Variants in PTPRS observed in about 807,000 individuals in gnomAD.
PTPRS encodes the protein protein tyrosine phosphatase receptor type S, also known as receptor-type tyrosine-protein phosphatase S.
Under a neutral mutation model 215.3 loss-of-function variants are expected in PTPRS, and 63 were observed. The ratio of observed to expected loss-of-function variants is 0.29; its 90% CI spans 0.24 to 0.36. The LOEUF (loss-of-function observed/expected upper bound fraction) is 0.36. Ranked by LOEUF, PTPRS falls within the 10% of genes least tolerant of loss-of-function variation. The pLI is 1.00. For synonymous variants in PTPRS, 1,404 were observed against 1,191.4 expected, an observed-to-expected ratio of 1.18 and a Z score of -3.68; for missense variants, 2,258 against 2,825.8, an observed-to-expected ratio of 0.80 and a Z score of 4.56.
chr19:5,222,813 G>A lies in PTPRS; in HGVS notation c.2979C>T (p.Asn993=), dbSNP rs200161232. The part of the protein sequence containing the change: ...LPAAAEPGAE[N]ALTLQGLKPD... ...GCTTCAGGCCCTGCAGCGTGAGCGC[G>A]TTCTCCGCGCCCGGCTCAGCCGCTG... Residue 993 remains asparagine, a synonymous_variant, in exon 18 of 38, where the codon AAC becomes AAT. Transcript: ENST00000262963. The A allele has an allele frequency of 9.4e-5, 150 of 1,597,068 alleles. No individual in the cohort carries two copies. The highest frequency in any genetic ancestry group is 1.8e-4 in the South Asian group (16 of 90,858).
In PTPRS at chr19:5,211,624, C is replaced by T. The variant is rs2040898214; in HGVS notation, c.5200G>A (p.Asp1734Asn). ...TCAATGAAGCTGGCGTTGATGTAGT[C>T]AGAGCCCTCCACACCCCGGATGGGT... is the stretch of plus-strand genomic sequence containing the variant. ...LQPIRGVEGS[D>N]YINASFIDGY... Residue 1734 changes from aspartate (D) to asparagine (N), a missense_variant, in exon 33 of 38, where the codon GAC becomes AAC. Around this residue, in one of 6 missense-constraint regions of PTPRS, gnomAD observed 927 missense variants for 1,125.9 expected, o/e 0.82. Coordinates refer to ENST00000262963, the MANE Select transcript of PTPRS (RefSeq NM_002850.4). 1 of 1,613,348 alleles carries T rather than the reference C, an allele frequency of 6.2e-7. No homozygotes were observed. The highest frequency in any genetic ancestry group is 1.7e-5 in the Admixed American group (1 of 59,990).
chr19:5,278,199 A>AAG (rs1555794804), intron 2 of PTPRS: 2 of 329,556 alleles, frequency 6.1e-6, no homozygotes, highest in South Asian at 2.7e-5. Context: ...AAAAAAAAAA[A>AAG]GGGAGTGGGG....
intron 13 of PTPRS, among the ~76,000 whole-genome samples, chr19:5,236,209 G>T (rs1476895529): frequency 6.6e-6 from 1 of 152,128 alleles, no homozygotes; most frequent in Admixed American, 6.5e-5. Context: ...TCATTATTTT[G>T]TATAACACCT....
rs773233463 is a variant in PTPRS, at chr19:5,240,308, C to T, written c.1595G>A (p.Arg532Gln). The part of the protein sequence containing the change: ...QGVPGQPMNL[R>Q]AEARSETSIT... ...GCTGGTCTCCGACCTGGCCTCGGCCCGCAGGTTCATGGGCTGGCCCGGCAC... is the reference window on the plus strand; with the variant it reads ...GCTGGTCTCCGACCTGGCCTCGGCCTGCAGGTTCATGGGCTGGCCCGGCAC... The change falls in exon 12 of 38, where the codon CGG (arginine) becomes CAG (glutamine). Residue 532 changes from arginine (R) to glutamine (Q), a missense_variant. Arg to Gln is a conservative substitution (Grantham distance 43). Coordinates refer to ENST00000262963, the MANE Select transcript of PTPRS (RefSeq NM_002850.4). 34 of 1,603,790 alleles carry T rather than the reference C, an allele frequency of 2.1e-5. 1 individual carries two copies. Among genetic ancestry groups the T allele is most frequent in the Non-Finnish European group, 2.7e-5 (32 of 1,176,306 alleles).
rs576113316 is a variant in PTPRS at position 5,272,714 on chromosome 19, T to C, written c.379+728A>G. Among the ~76,000 whole-genome samples the C allele has an allele frequency of 1.1e-4, 16 of 150,336 alleles. No individual in the cohort carries two copies. The South Asian group carries it at 3.2e-3, about 30-fold the overall frequency. On this transcript the variant is annotated intron_variant, in intron 4 of 37. Coordinates refer to ENST00000262963, the MANE Select transcript of PTPRS (RefSeq NM_002850.4). ...TCTGGGGAAGTGGGGCAGCAGTTTCTGCCTACCTAGCATCCGTTCATCCTT... is the reference window on the plus strand; with the variant it reads ...TCTGGGGAAGTGGGGCAGCAGTTTCCGCCTACCTAGCATCCGTTCATCCTT...
At chr19:5,225,870 C>T (rs767411987) in intron 16 of PTPRS, 26 bp from the exon 17 acceptor site, 18 of 1,596,678 alleles carry the variant, frequency 1.1e-5, no homozygotes, top group Middle Eastern at 1.7e-4. Context: ...GGGGTCAGCA[C>T]GACGGCTGGG....
Position 5,229,700 on chromosome 19 carries a change from G to A in PTPRS, c.2156-16C>T, listed in dbSNP as rs1250577973. On this transcript the variant is annotated splice_polypyrimidine_tract_variant and intron_variant, in intron 14 of 37. Transcript: ENST00000262963. ...GCGCTGGGCACTGGCGGGCGGGAGG[G>A]GAGGGGAGGGGCGGGCGGAGCCGTT... The A allele has an allele frequency of 3.1e-5, 38 of 1,239,554 alleles. No individual in the cohort carries two copies. Among genetic ancestry groups the A allele is most frequent in the Non-Finnish European group, 3.7e-5 (37 of 990,242 alleles). The allele number at this position is 1,239,554 out of a possible 1,614,324, so 76.8% of individuals were successfully genotyped here.
At chr19:5,262,845 G>T in intron 6 of PTPRS, 119 bp downstream of exon 6, 1 of 1,131,852 alleles carries the variant, frequency 8.8e-7, no homozygotes, top group Non-Finnish European at 1.3e-6. Context: ...AACATACCAG[G>T]CAGAGTGGGT....
At position 5,223,279 on chromosome 19, in the gene PTPRS, A is replaced by C; in HGVS notation, c.2513T>G (p.Leu838Arg). ...GCCCTCGGGGGTCTGCTGCACCGAC[A>C]GGGTTGGGCGGCCCAGCACTGCGGG... Reference protein sequence around the residue: ...TKGAVLGRPTLSVQQTPEGSL... With the variant: ...TKGAVLGRPTRSVQQTPEGSL... The change falls in exon 18 of 38, where the codon CTG (leucine) becomes CGG (arginine). Residue 838 changes from leucine to arginine, a missense_variant. Coordinates refer to ENST00000262963, the MANE Select transcript of PTPRS (RefSeq NM_002850.4). 6.8e-7 allele frequency: 1 copy of C among 1,466,594 alleles called. No homozygotes were observed. The highest frequency in any genetic ancestry group is 9.0e-7 in the Non-Finnish European group (1 of 1,115,216). The allele number at this position is 1,466,594 out of a possible 1,614,324, so 90.8% of individuals were successfully genotyped here. A position where few individuals can be genotyped will look rare whatever the true frequency, so the allele number is the denominator to read the frequency against.
chr19:5,255,982 T>C, intron 9 of PTPRS, 126 bp downstream of exon 9: 1 of 585,548 alleles, frequency 1.7e-6, no homozygotes, highest in Non-Finnish European at 2.6e-6. Context: ...CATTTTTCTA[T>C]TTTTTTTCCG....
intron 12 of PTPRS, 35 bp downstream of exon 12, chr19:5,240,164 C>A: frequency 6.7e-7 from 1 of 1,487,952 alleles, no homozygotes; most frequent in Non-Finnish European, 9.0e-7. Flanking sequence ...GGGGAGGAGC[C>A]CAGGGCAGGC....
Position 5,212,103 on chromosome 19 carries a change from G to C in PTPRS, c.4917C>G (p.Ser1639Arg), listed in dbSNP as rs2040953951. 1 of 1,614,110 alleles carries C rather than the reference G, an allele frequency of 6.2e-7. No homozygotes were observed. The highest frequency in any genetic ancestry group is 8.5e-7 in the Non-Finnish European group (1 of 1,180,052). The change falls in exon 32 of 38, where the codon AGC (serine) becomes AGG (arginine). Residue 1639 changes from serine (S) to arginine (R), a missense_variant. By Grantham distance (110) the Ser-to-Arg change is moderately radical (BLOSUM62 -1). This residue lies in a region of PTPRS where 927 missense variants were observed against 1,125.9 expected (regional missense o/e 0.82). Transcript: ENST00000262963. ...CCTCCAGCAGGGCCTCGTGGATGAA[G>C]CTGTACTGGTCCTCCGTCTGCACCA... The part of the protein sequence containing the change: ...NYMVQTEDQY[S>R]FIHEALLEAV...
chr19:5,248,379 A>G (rs188379354), intron 9 of PTPRS, among the ~76,000 whole-genome samples: 2 of 148,004 alleles, frequency 1.4e-5, no homozygotes, highest in African/African-American at 4.9e-5. Context: ...CAACACCCAA[A>G]AGCAAGAAGA....
Position 5,287,571 on chromosome 19 carries a change from C to A in PTPRS, c.-94-1337G>T, listed in dbSNP as rs187463094. On this transcript the variant is annotated intron_variant, in intron 1 of 37. Coordinates refer to ENST00000262963, the MANE Select transcript of PTPRS (RefSeq NM_002850.4). The surrounding 1 kb of genome is among the most constrained non-coding windows in gnomAD (Gnocchi z 4.8). ...CTAGTCAGGCTGGCACCCATGCCAG[C>A]CCATGCCCTGGGCGGGTCCAGGCCG... Among the ~76,000 whole-genome samples the A allele has an allele frequency of 6.6e-6, 1 of 152,150 alleles. No individual in the cohort carries two copies. The highest frequency in any genetic ancestry group is 1.5e-5 in the Non-Finnish European group (1 of 68,012).
rs781002778 is a variant in PTPRS at position 5,274,338 on chromosome 19, G to A, written c.98C>T (p.Pro33Leu). 1 of 1,611,488 alleles carries A rather than the reference G, an allele frequency of 6.2e-7. No individual in the cohort carries two copies. Among genetic ancestry groups the A allele is most frequent in the Non-Finnish European group, 8.5e-7 (1 of 1,178,118 alleles). Residue 33 changes from proline to leucine, a missense_variant, in exon 3 of 38, where the codon CCC becomes CTC. Pro to Leu is a moderately conservative substitution (Grantham distance 98, BLOSUM62 -3). Coordinates refer to ENST00000262963, the MANE Select transcript of PTPRS (RefSeq NM_002850.4). ...LVGGCAAEEP[P>L]RFIKEPKDQI... is the part of the protein sequence containing the mutation. The stretch of plus-strand genomic sequence containing the variant: ...GTCCTTGGGTTCTTTGATAAACCTG[G>A]GGGGCTCTGGGGATACAGTGGAAAG...
chr19:5,272,352 C>G (rs926100205), intron 4 of PTPRS, among the ~76,000 whole-genome samples: 9 of 151,982 alleles, frequency 5.9e-5, no homozygotes, highest in African/African-American at 2.2e-4. Context: ...AATCCCAGCA[C>G]TTTGGGAGGC....
chr19:5,241,636 T>C (rs914279550), intron 11 of PTPRS, among the ~76,000 whole-genome samples: 3 of 151,872 alleles, frequency 2.0e-5, no homozygotes, highest in African/African-American at 7.3e-5. Flanking sequence ...CTCACAGACA[T>C]GGACAGAGTG....
intron 4 of PTPRS, among the ~76,000 whole-genome samples, chr19:5,269,234 CGCA>C (rs2046695977): frequency 6.6e-6 from 1 of 152,122 alleles, no homozygotes. Flanking sequence ...TATGTGGCCC[CGCA>C]GGGGTCCCCA....
chr19:5,242,512 C>T (rs948730604), intron 11 of PTPRS, among the ~76,000 whole-genome samples: 4 of 151,330 alleles, frequency 2.6e-5, no homozygotes, highest in South Asian at 2.1e-4. Context: ...GAACTACAGG[C>T]GTGTGCCACC....
Sources: allele counts gnomAD v4.1 joint callset (sites outside exome capture counted in the v4.1 genomes callset), GRCh38; gene constraint gnomAD v4.1.1; regional missense constraint gnomAD v4.1.1; non-coding constraint Gnocchi (gnomAD v3.1); transcripts MANE v1.5; gene names NCBI Gene and HGNC (gene_info 2026-07-23, HGNC 2026-07-21).